Variants in MAP2K7 observed in about 807,000 individuals in gnomAD.
MAP2K7 encodes the protein mitogen-activated protein kinase kinase 7.
MAP2K7 carries 12 observed loss-of-function variants against 47.7 expected under a neutral mutation model. The ratio of observed to expected loss-of-function variants is 0.25; its 90% CI spans 0.16 to 0.41. The LOEUF (loss-of-function observed/expected upper bound fraction) is 0.41. MAP2K7 is among the 10% of genes least tolerant of loss of function. The probability of loss-of-function intolerance (pLI) is 1.00; values close to 1 mark genes in which losing one functional copy is unlikely to be tolerated. For synonymous variants in MAP2K7, 299 were observed against 243.0 expected (o/e 1.23, Z -2.14); for missense variants, 415 against 600.3 (o/e 0.69, Z 3.23).
At chr19:7,904,104 CG>C in intron 1 of MAP2K7, 36 bp downstream of exon 1, 1 of 14,156 alleles carries the variant, frequency 7.1e-5, no homozygotes, top group Non-Finnish European at 1.1e-4. Context: ...GGCGGGCGGG[CG>C]GGGCGGGGCG....
At chr19:7,912,262 G>C in intron 10 of MAP2K7, 35 bp from the exon 11 acceptor site, 4 of 1,613,426 alleles carry the variant, frequency 2.5e-6, no homozygotes, top group Non-Finnish European at 3.4e-6. Flanking sequence ...AGGGAAGACC[G>C]TCTCCTCCTA....
intron 1 of MAP2K7, chr19:7,906,576 G>C (rs1982472201): frequency 1.3e-5 from 2 of 152,226 alleles, no homozygotes; most frequent in South Asian, 2.1e-4. Flanking sequence ...GTGACAGCGA[G>C]ATCCTGTCTC....
rs1443231312 is a variant in MAP2K7, at chr19:7,904,052, C to T, written c.108C>T (p.Pro36=). The change falls in exon 1 of 11, where the codon CCC becomes CCT. Residue 36 remains proline, a synonymous_variant. Transcript: ENST00000397979. The part of the protein sequence containing the change: ...RRIDLNLDIS[P]QRPRPTLQLP... Reference sequence around the variant, plus strand: ...TCGACCTCAACCTGGATATCAGCCCCCAGCGGCCCAGGCCCAGTAAGCACG... The same window carrying T: ...TCGACCTCAACCTGGATATCAGCCCTCAGCGGCCCAGGCCCAGTAAGCACG... The T allele has an allele frequency of 6.8e-7, 1 of 1,474,494 alleles. No homozygotes were observed. 91.3% of individuals were successfully genotyped at this position (1,474,494 alleles called of 1,614,324 possible). A position where few individuals can be genotyped will look rare whatever the true frequency, so the allele number is the denominator to read the frequency against.
Position 7,910,753 on chromosome 19 carries a change from C to CGGAT in MAP2K7, c.627_630dup (p.Gln211AspfsTer81). 1 of 1,611,826 alleles carries CGGAT rather than the reference C, an allele frequency of 6.2e-7. No individual in the cohort carries two copies. Among genetic ancestry groups the CGGAT allele is most frequent in the Non-Finnish European group, 8.5e-7 (1 of 1,179,524 alleles). ...CACCTGCGCTGAGAAGCTCAAGAAG[C>CGGAT]GGATGCAGGGCCCCATCCCCGAGCG... On this transcript the variant is annotated frameshift_variant, in exon 6 of 11. Coordinates refer to ENST00000397979, the MANE Select transcript of MAP2K7 (RefSeq NM_145185.4). LOFTEE classifies it high-confidence loss of function.
Position 7,904,040 on chromosome 19 carries a change from G to C in MAP2K7, c.96G>C (p.Leu32=). 7.4e-7 allele frequency: 1 copy of C among 1,356,406 alleles called. No homozygotes were observed. Among genetic ancestry groups the C allele is most frequent in the South Asian group, 1.3e-5 (1 of 79,992 alleles). 84.0% of individuals were successfully genotyped at this position (1,356,406 alleles called of 1,614,324 possible). Reference sequence around the variant, plus strand: ...CCCGGCGGAGGATCGACCTCAACCTGGATATCAGCCCCCAGCGGCCCAGGC... The same window carrying C: ...CCCGGCGGAGGATCGACCTCAACCTCGATATCAGCCCCCAGCGGCCCAGGC... The part of the protein sequence containing the change: ...REARRRIDLN[L]DISPQRPRPT... The change falls in exon 1 of 11, where the codon CTG becomes CTC. Residue 32 remains leucine (L), a synonymous_variant. Transcript: ENST00000397979.
In MAP2K7 at chr19:7,912,741, C is replaced by A; in HGVS notation, c.*310C>A. On this transcript the variant is annotated 3_prime_UTR_variant, in exon 11 of 11. Transcript: ENST00000397979. ...CTGGGCCGGGGCGGCCCCCAGGGGC[C>A]AGGAGAGAGCCCTGGAGTCCCGCAG... is the stretch of plus-strand genomic sequence containing the variant. The A allele has an allele frequency of 2.3e-6, 1 of 432,502 alleles. No homozygotes were observed. The highest frequency in any genetic ancestry group is 4.2e-6 in the Non-Finnish European group (1 of 237,136). 26.8% of individuals were successfully genotyped at this position (432,502 alleles called of 1,614,324 possible). A position where few individuals can be genotyped will look rare whatever the true frequency, so the allele number is the denominator to read the frequency against.
intron 5 of MAP2K7, 54 bp from the exon 6 acceptor site, chr19:7,910,642 C>T (rs1982772620): frequency 5.0e-6 from 8 of 1,608,912 alleles, no homozygotes; most frequent in Admixed American, 3.3e-5. Flanking sequence ...GGAGCAGAGC[C>T]TCTGGGGGGT....
At chr19:7,912,075 G>A (rs1982913031) in intron 9 of MAP2K7, 74 bp from the exon 10 acceptor site, 7 of 1,429,434 alleles carry the variant, frequency 4.9e-6, no homozygotes, top group Admixed American at 1.7e-5. Context: ...CTTGGGGAGG[G>A]CCTGAGCACA....
intron 1 of MAP2K7, among the ~76,000 whole-genome samples, 161 bp from the exon 2 acceptor site, chr19:7,909,594 C>T (rs1982680558): frequency 6.6e-6 from 1 of 152,162 alleles, no homozygotes; most frequent in African/African-American, 2.4e-5. Context: ...AGGGAGACCC[C>T]AGCTCCTCCA....
rs761282228 is a variant in MAP2K7, at chr19:7,912,167, G to T, written c.1098G>T (p.Arg366Ser). The change falls in exon 10 of 11, where the codon AGG (arginine) becomes AGT (serine). Residue 366 changes from arginine (R) to serine (S), a missense_variant. This residue lies in a region of MAP2K7 where 94 missense variants were observed against 105.2 expected (regional missense o/e 0.89). Transcript: ENST00000397979. Reference sequence around the variant, plus strand: ...GCTCTAGCCTTACTAAAGATCACAGGAAGAGACCAAAGTATAATAAGCTAC... The same window carrying T: ...GCTCTAGCCTTACTAAAGATCACAGTAAGAGACCAAAGTATAATAAGCTAC... ...FVKDCLTKDH[R>S]KRPKYNKLLE... The T allele has an allele frequency of 6.2e-7, 1 of 1,614,038 alleles. No individual in the cohort carries two copies.
At chr19:7,911,976 G>A (rs575120127) in intron 9 of MAP2K7, among the ~76,000 whole-genome samples, 173 bp from the exon 10 acceptor site, 46 of 152,258 alleles carry the variant, frequency 3.0e-4, no homozygotes, top group Non-Finnish European at 4.6e-4. Context: ...AGGAGGCTCC[G>A]GGACTCACAG....
At chr19:7,904,458 C>A (rs913513293) in intron 1 of MAP2K7, 2 of 378,976 alleles carry the variant, frequency 5.3e-6, no homozygotes, top group Admixed American at 6.2e-5. Flanking sequence ...CAGGGACTGT[C>A]TGGCGCCCCC....
chr19:7,904,146 A>G, intron 1 of MAP2K7, 78 bp downstream of exon 1: 1 of 1,131,454 alleles, frequency 8.8e-7, no homozygotes, highest in Non-Finnish European at 1.1e-6. Context: ...CCCCACCACA[A>G]GGCCCCGCCC....
rs1447211340 is a variant in MAP2K7 at position 7,910,746 on chromosome 19, C to T, written c.618C>T (p.Leu206=). The change falls in exon 6 of 11, where the codon CTC becomes CTT. Residue 206 remains leucine (L), a synonymous_variant. Coordinates refer to ENST00000397979, the MANE Select transcript of MAP2K7 (RefSeq NM_145185.4). ...MELMGTCAEK[L]KKRMQGPIPE... The stretch of plus-strand genomic sequence containing the variant: ...TCATGGGCACCTGCGCTGAGAAGCT[C>T]AAGAAGCGGATGCAGGGCCCCATCC... 6.2e-7 allele frequency: 1 copy of T among 1,612,086 alleles called. No homozygotes were observed. Among genetic ancestry groups the T allele is most frequent in the Non-Finnish European group, 8.5e-7 (1 of 1,179,588 alleles).
chr19:7,909,450 C>T (rs1025918953), intron 1 of MAP2K7, among the ~76,000 whole-genome samples: 4 of 152,214 alleles, frequency 2.6e-5, no homozygotes, highest in African/African-American at 7.2e-5. Flanking sequence ...GCCCCCTGGC[C>T]GAGGGACACC....
intron 4 of MAP2K7, 29 bp downstream of exon 4, chr19:7,910,402 C>G (rs1982750873): frequency 3.7e-6 from 6 of 1,604,868 alleles, no homozygotes; most frequent in Non-Finnish European, 5.1e-6. Flanking sequence ...CCCGGCTGCG[C>G]CCCACACCCC....
At chr19:7,910,646 G>C (rs544896328) in intron 5 of MAP2K7, 50 bp from the exon 6 acceptor site, 4 of 1,607,980 alleles carry the variant, frequency 2.5e-6, no homozygotes, top group Non-Finnish European at 3.4e-6. Context: ...CAGAGCCTCT[G>C]GGGGGTGGGC....
chr19:7,913,533 G>C lies in MAP2K7; in HGVS notation c.*1102G>C, dbSNP rs1464429316. Reference sequence around the variant, plus strand: ...CAGGGGTGGGGGCCGGGCTGAGGGTGGGGGTGCGAGGTGGTCACTCCCATC... The same window carrying C: ...CAGGGGTGGGGGCCGGGCTGAGGGTCGGGGTGCGAGGTGGTCACTCCCATC... On this transcript the variant is annotated 3_prime_UTR_variant, in exon 11 of 11. Transcript: ENST00000397979. The C allele has an allele frequency of 2.0e-5, 3 of 151,788 alleles. No homozygotes were observed. The highest frequency in any genetic ancestry group is 7.3e-5 in the African/African-American group (3 of 41,278). 9.4% of individuals were successfully genotyped at this position (151,788 alleles called of 1,614,324 possible). A position where few individuals can be genotyped will look rare whatever the true frequency, so the allele number is the denominator to read the frequency against.
Position 7,912,531 on chromosome 19 carries a change from C to A in MAP2K7, c.*100C>A, listed in dbSNP as rs2145146875. 7.2e-7 allele frequency: 1 copy of A among 1,397,302 alleles called. No homozygotes were observed. The allele number at this position is 1,397,302 out of a possible 1,614,324, so 86.6% of individuals were successfully genotyped here. A position where few individuals can be genotyped will look rare whatever the true frequency, so the allele number is the denominator to read the frequency against. ...CTGCCTGCCAGGGGAGACCTGGGAC[C>A]TGGACGGCCACCTAGGACTGAGGAC... On this transcript the variant is annotated 3_prime_UTR_variant, in exon 11 of 11. Transcript: ENST00000397979.
Sources: gnomAD v4.1 joint callset for allele counts (sites outside exome capture counted in the v4.1 genomes callset) on GRCh38, gnomAD v4.1.1 for gene constraint, gnomAD v4.1.1 regional missense constraint, MANE v1.5 for transcripts, NCBI Gene and HGNC (gene_info 2026-07-23, HGNC 2026-07-21) for gene names.